CLASP2: variants seen among roughly 807,000 people sequenced by gnomAD.
CLASP2 encodes cytoplasmic linker associated protein 2.
In CLASP2, 47 loss-of-function variants were observed where a neutral mutation model predicts 194.4. The observed-to-expected ratio is 0.24, with a 90% CI of 0.19 to 0.31. The LOEUF (loss-of-function observed/expected upper bound fraction) is 0.31. Among genes scored for constraint, CLASP2 ranks in the 10% least tolerant of loss-of-function variants. CLASP2 has a pLI of 1.00. For missense variants in CLASP2, 1,445 were observed against 1,823.6 expected (o/e 0.79, Z 3.78); for synonymous variants, 619 against 633.5 (o/e 0.98, Z 0.34).
Position 33,546,987 on chromosome 3 carries a change from T to G in CLASP2, c.3154-2146A>C, listed in dbSNP as rs1219493209. Among the ~76,000 whole-genome samples, 3 of 152,248 alleles carry G rather than the reference T, an allele frequency of 2.0e-5. No homozygotes were observed. The East Asian group carries it at 5.8e-4, about 29-fold the overall frequency. On this transcript the variant is annotated intron_variant, in intron 30 of 38. Coordinates refer to ENST00000682230, the MANE Select transcript of CLASP2 (RefSeq NM_001365631.1). The stretch of plus-strand genomic sequence containing the variant: ...AAGATTTATTCCTGTTTTAAGTGTT[T>G]TATTTTCCTGTATCTATTGAGATGA...
intron 25 of CLASP2, among the ~76,000 whole-genome samples, chr3:33,572,731 A>C (rs2064027659): frequency 6.6e-6 from 1 of 152,192 alleles, no homozygotes; most frequent in Non-Finnish European, 1.5e-5. Flanking sequence ...ATTTCCAAAT[A>C]AGCATAAACA....
At position 33,619,573 on chromosome 3, in the gene CLASP2, C is replaced by T. The variant is rs376683897; in HGVS notation, c.1317+30G>A. The stretch of plus-strand genomic sequence containing the variant: ...AAGAAACAAAAGTGGGGGGAGGAGG[C>T]AGCAGTAGAAAACGAGAGAGCAAAC... On this transcript the variant is annotated intron_variant, in intron 12 of 38. Coordinates refer to ENST00000682230, the MANE Select transcript of CLASP2 (RefSeq NM_001365631.1). 5.9e-6 allele frequency: 9 copies of T among 1,525,444 alleles called. No individual in the cohort carries two copies. The African/African-American group carries it at 8.4e-5, about 14-fold the overall frequency. 94.5% of individuals were successfully genotyped at this position (1,525,444 alleles called of 1,614,324 possible). A position where few individuals can be genotyped will look rare whatever the true frequency, so the allele number is the denominator to read the frequency against.
At chr3:33,513,954 C>T (rs1424895776) in intron 36 of CLASP2, among the ~76,000 whole-genome samples, 1 of 152,006 alleles carries the variant, frequency 6.6e-6, no homozygotes, top group African/African-American at 2.4e-5. Context: ...AGGATAATGT[C>T]CTTTGAAGGA....
intron 22 of CLASP2, among the ~76,000 whole-genome samples, 191 bp from the exon 23 acceptor site, chr3:33,582,119 T>C (rs1403757435): frequency 6.6e-6 from 1 of 152,210 alleles, no homozygotes; most frequent in Non-Finnish European, 1.5e-5. Context: ...TCCTCTAGTT[T>C]GTATGAAATT....
chr3:33,643,936 C>T (rs2081824603), intron 8 of CLASP2, among the ~76,000 whole-genome samples: 1 of 151,918 alleles, frequency 6.6e-6, no homozygotes, highest in South Asian at 2.1e-4. Context: ...GATATGTTTT[C>T]CCAAAATATC....
At chr3:33,684,839 A>G (rs1421827908) in intron 5 of CLASP2, among the ~76,000 whole-genome samples, 4 of 151,486 alleles carry the variant, frequency 2.6e-5, no homozygotes, top group Non-Finnish European at 5.9e-5. Context: ...GCCTCTACGA[A>G]AAATACAAAA....
In CLASP2 at chr3:33,581,936, GA is replaced by G; in HGVS notation, c.2240-9del. 1 of 1,588,900 alleles carries G rather than the reference GA, an allele frequency of 6.3e-7. No individual in the cohort carries two copies. The highest frequency in any genetic ancestry group is 2.2e-5 in the East Asian group (1 of 44,800). On this transcript the variant is annotated splice_polypyrimidine_tract_variant and intron_variant, in intron 22 of 38. Transcript: ENST00000682230. ...GAATACGACTGCTTCGGGCTGGTGT[GA>G]AGCAACAGCAGCACACACAGTAAGG...
intron 2 of CLASP2, among the ~76,000 whole-genome samples, chr3:33,690,585 T>TC (rs1441000259): frequency 6.6e-6 from 1 of 152,088 alleles, no homozygotes; most frequent in East Asian, 1.9e-4. Flanking sequence ...TATACAGTAG[T>TC]CCCCCCTTAT....
intron 21 of CLASP2, among the ~76,000 whole-genome samples, chr3:33,585,602 T>TG (rs1260421101): frequency 6.6e-6 from 1 of 152,202 alleles, no homozygotes; most frequent in Non-Finnish European, 1.5e-5. Context: ...CAATGGTTTT[T>TG]GGGGTAGAGG....
At chr3:33,562,126 T>C (rs1016021240) in intron 27 of CLASP2, among the ~76,000 whole-genome samples, 1 of 152,196 alleles carries the variant, frequency 6.6e-6, no homozygotes, top group Non-Finnish European at 1.5e-5. Context: ...AATAAAAATA[T>C]ACTTTAGCTA....
chr3:33,604,318 TTC>T, intron 16 of CLASP2, 109 bp from the exon 17 acceptor site: 1 of 775,180 alleles, frequency 1.3e-6, no homozygotes, highest in South Asian at 1.7e-5. Flanking sequence ...TATTTCTTTT[TTC>T]TTTTTTTTTT....
intron 13 of CLASP2, among the ~76,000 whole-genome samples, chr3:33,611,343 A>C (rs906774821): frequency 8.6e-5 from 13 of 152,044 alleles, no homozygotes; most frequent in Non-Finnish European, 1.5e-4. Flanking sequence ...TCCTTTAAAA[A>C]CCTTTGTTTT....
chr3:33,672,459 A>T lies in CLASP2; in HGVS notation c.645-8944T>A, dbSNP rs992249963. Among the ~76,000 whole-genome samples the T allele has an allele frequency of 8.5e-5, 13 of 152,324 alleles. No individual in the cohort carries two copies. The East Asian group carries it at 9.6e-4, about 11-fold the overall frequency. On this transcript the variant is annotated intron_variant, in intron 6 of 38. Transcript: ENST00000682230. ...AACCCATCTGTACATCACCATCATC[A>T]AAGACCAAAAGTAGATAAAACCACA...
chr3:33,594,031 A>G (rs1233424416), intron 20 of CLASP2, among the ~76,000 whole-genome samples: 1 of 152,002 alleles, frequency 6.6e-6, no homozygotes, highest in Non-Finnish European at 1.5e-5. Flanking sequence ...TTTTGTAGAG[A>G]TGGGTTCTCA....
intron 29 of CLASP2, among the ~76,000 whole-genome samples, chr3:33,553,538 A>C (rs565095561): frequency 1.3e-5 from 2 of 152,324 alleles, no homozygotes; most frequent in South Asian, 4.1e-4. Context: ...GAAAATGGGC[A>C]AAGGATCTGA....
intron 28 of CLASP2, among the ~76,000 whole-genome samples, chr3:33,560,235 ACTTCTTT>A (rs1464512390): frequency 6.6e-6 from 1 of 151,768 alleles, no homozygotes. Flanking sequence ...CTTCGCTGAT[ACTTCTTT>A]TTTTTTTTTC....
intron 37 of CLASP2, chr3:33,502,985 T>G (rs2047175842): frequency 6.6e-6 from 1 of 152,188 alleles, no homozygotes; most frequent in Non-Finnish European, 1.5e-5. Flanking sequence ...TACATCTTCC[T>G]CCCCAATAAC....
At chr3:33,665,728 C>A (rs576957849) in intron 6 of CLASP2, among the ~76,000 whole-genome samples, 1 of 152,164 alleles carries the variant, frequency 6.6e-6, no homozygotes, top group Non-Finnish European at 1.5e-5. Flanking sequence ...TAATTTTCTA[C>A]GTGGCCCTCA....
chr3:33,537,178 T>C lies in CLASP2; in HGVS notation c.3558+1611A>G, dbSNP rs186194706. Among the ~76,000 whole-genome samples, 40 of 152,222 alleles carry C rather than the reference T, an allele frequency of 2.6e-4. No homozygotes were observed. The East Asian group carries it at 7.7e-3, about 29-fold the overall frequency. On this transcript the variant is annotated intron_variant, in intron 33 of 38. Coordinates refer to ENST00000682230, the MANE Select transcript of CLASP2 (RefSeq NM_001365631.1). ...AATTTGAGTTCCCTACCCTGTACCA[T>C]GCTGTGTCTAAAAAACCAAAAAAAA...
Sources: allele counts gnomAD v4.1 joint callset (sites outside exome capture counted in the v4.1 genomes callset), GRCh38; gene constraint gnomAD v4.1.1; transcripts MANE v1.5; gene names NCBI Gene and HGNC (gene_info 2026-07-23, HGNC 2026-07-21).